The following KLHL18 variants were observed in gnomAD, a reference collection of about 807,000 sequenced individuals.
The protein encoded by KLHL18 is kelch like family member 18, also known as kelch-like protein 18.
Under a neutral mutation model 58.5 loss-of-function variants are expected in KLHL18, and 38 were observed. The ratio of observed to expected loss-of-function variants is 0.65; its 90% CI spans 0.50 to 0.85. The LOEUF (loss-of-function observed/expected upper bound fraction) is 0.85. Ranked by LOEUF, KLHL18 falls within the 40% of genes least tolerant of loss-of-function variation. The probability of loss-of-function intolerance (pLI) is 0.00; values close to 1 mark genes in which losing one functional copy is unlikely to be tolerated. For missense variants in KLHL18, 624 were observed against 778.4 expected, an observed-to-expected ratio of 0.80 and a Z score of 2.36; for synonymous variants, 303 against 301.9, an observed-to-expected ratio of 1.00 and a Z score of -0.04.
chr3:47,295,157 G>A lies in KLHL18; in HGVS notation c.129+12063G>A, dbSNP rs1702870949. Among the ~76,000 whole-genome samples the A allele has an allele frequency of 2.6e-5, 4 of 152,170 alleles. No individual in the cohort carries two copies. The South Asian group carries it at 8.3e-4, about 32-fold the overall frequency. ...TTTCTGTAGGATTTAGGAAAGGACT[G>A]CTGATTTAACTGAATCTCTGATTAT... On this transcript the variant is annotated intron_variant, in intron 1 of 9. Coordinates refer to ENST00000232766, the MANE Select transcript of KLHL18 (RefSeq NM_025010.5).
Position 47,333,220 on chromosome 3 carries a change from G to A in KLHL18, c.664G>A (p.Glu222Lys), listed in dbSNP as rs1703905846. ...GGAGCAGAGGGGTCCCTACCTGCCT[G>A]AGCTGCTGTCCAATATCCGCCTGCC... Reference protein sequence around the residue: ...DREQRGPYLPELLSNIRLPLC... With the variant: ...DREQRGPYLPKLLSNIRLPLC... The change falls in exon 5 of 10, where the codon GAG becomes AAG. Residue 222 changes from glutamate to lysine, a missense_variant. Transcript: ENST00000232766. The A allele has an allele frequency of 6.2e-7, 1 of 1,614,064 alleles. No individual in the cohort carries two copies. Among genetic ancestry groups the A allele is most frequent in the Admixed American group, 1.7e-5 (1 of 60,004 alleles).
At chr3:47,314,070 C>T (rs934165473) in intron 1 of KLHL18, among the ~76,000 whole-genome samples, 1 of 152,108 alleles carries the variant, frequency 6.6e-6, no homozygotes, top group Non-Finnish European at 1.5e-5. Context: ...CATTCTCTTG[C>T]TCTGTTGCCC....
intron 1 of KLHL18, among the ~76,000 whole-genome samples, chr3:47,297,030 G>A (rs1285154316): frequency 6.6e-6 from 1 of 152,218 alleles, no homozygotes; most frequent in African/African-American, 2.4e-5. Context: ...TTTAGAAGAA[G>A]TGGGAAGCAG....
At chr3:47,340,089 TATA>T (rs754991226) in intron 7 of KLHL18, among the ~76,000 whole-genome samples, 2 of 152,212 alleles carry the variant, frequency 1.3e-5, no homozygotes, top group Non-Finnish European at 2.9e-5. Context: ...CCTGGTAGCC[TATA>T]ATGTCAGAAC....
At chr3:47,284,702 T>C (rs1379057798) in intron 1 of KLHL18, among the ~76,000 whole-genome samples, 1 of 152,230 alleles carries the variant, frequency 6.6e-6, no homozygotes, top group African/African-American at 2.4e-5. Context: ...GTCAGACCTC[T>C]GGAGATGGTA....
At chr3:47,298,082 G>T (rs1388792257) in intron 1 of KLHL18, among the ~76,000 whole-genome samples, 1 of 151,970 alleles carries the variant, frequency 6.6e-6, no homozygotes, top group East Asian at 1.9e-4. Context: ...CATGGTGGGG[G>T]ATAAAACTGG....
chr3:47,328,746 A>G (rs1332687460), intron 3 of KLHL18, among the ~76,000 whole-genome samples: 1 of 152,106 alleles, frequency 6.6e-6, no homozygotes, highest in East Asian at 1.9e-4. Context: ...AAGATTCTGG[A>G]GAATGTGTAT....
At chr3:47,310,661 C>T (rs1703276519) in intron 1 of KLHL18, among the ~76,000 whole-genome samples, 1 of 152,202 alleles carries the variant, frequency 6.6e-6, no homozygotes, top group African/African-American at 2.4e-5. Context: ...TTACTCCTGA[C>T]TTTGTCCTTC....
At chr3:47,330,174 T>C (rs1703823404) in intron 4 of KLHL18, 25 bp downstream of exon 4, 1 of 1,604,250 alleles carries the variant, frequency 6.2e-7, no homozygotes, top group African/African-American at 1.3e-5. Flanking sequence ...TAGCAGTCTG[T>C]GCAGGTGACA....
Position 47,287,247 on chromosome 3 carries a change from C to T in KLHL18, c.129+4153C>T, listed in dbSNP as rs555448159. 3.9e-5 allele frequency: 6 copies of T among 152,206 alleles called. No individual in the cohort carries two copies. The East Asian group carries it at 7.7e-4, about 20-fold the overall frequency. The allele number at this position is 152,206 out of a possible 1,614,324, so 9.4% of individuals were successfully genotyped here. On this transcript the variant is annotated intron_variant, in intron 1 of 9. Coordinates refer to ENST00000232766, the MANE Select transcript of KLHL18 (RefSeq NM_025010.5). Reference sequence around the variant, plus strand: ...CTTTGCTGTTCCTTGATCATCAGTCCGAAAGGCGGTATCACACAGACTCTG... The same window carrying T: ...CTTTGCTGTTCCTTGATCATCAGTCTGAAAGGCGGTATCACACAGACTCTG...
At chr3:47,297,877 G>A (rs181769361) in intron 1 of KLHL18, among the ~76,000 whole-genome samples, 51 of 152,264 alleles carry the variant, frequency 3.3e-4, no homozygotes, top group Admixed American at 1.0e-3. Flanking sequence ...TGCTGTAGTG[G>A]ACGCTTGTAC....
chr3:47,332,242 C>A (rs1017177116), intron 4 of KLHL18, among the ~76,000 whole-genome samples: 7 of 151,932 alleles, frequency 4.6e-5, no homozygotes, highest in Non-Finnish European at 8.8e-5. Context: ...GCCTGTAATC[C>A]CAGCTACTTG....
chr3:47,300,269 T>C (rs1702987226), intron 1 of KLHL18, among the ~76,000 whole-genome samples: 1 of 139,426 alleles, frequency 7.2e-6, no homozygotes, highest in African/African-American at 2.5e-5. Flanking sequence ...CCAATTCTTT[T>C]GCATCCTCAC....
At chr3:47,288,831 T>G (rs1702731847) in intron 1 of KLHL18, among the ~76,000 whole-genome samples, 1 of 152,230 alleles carries the variant, frequency 6.6e-6, no homozygotes, top group African/African-American at 2.4e-5. Flanking sequence ...CTTGTTGGCA[T>G]AAGGCTTGGC....
chr3:47,301,855 GCATGAT>G (rs1289613221), intron 1 of KLHL18, among the ~76,000 whole-genome samples: 1 of 152,098 alleles, frequency 6.6e-6, no homozygotes, highest in African/African-American at 2.4e-5. Context: ...GAGTGCAGTG[GCATGAT>G]CATAGCTCAC....
chr3:47,340,751 T>A (rs1030190061), intron 8 of KLHL18, 75 bp downstream of exon 8: 4 of 1,539,622 alleles, frequency 2.6e-6, no homozygotes, highest in Non-Finnish European at 2.7e-6. Flanking sequence ...GTAGTTTTTT[T>A]AATTTAAGCT....
At chr3:47,313,622 GC>G (rs1481885966) in intron 1 of KLHL18, among the ~76,000 whole-genome samples, 3 of 152,108 alleles carry the variant, frequency 2.0e-5, no homozygotes, top group Non-Finnish European at 2.9e-5. Context: ...ATATTCAGTT[GC>G]AATCTTATTC....
Position 47,309,354 on chromosome 3 carries a change from G to A in KLHL18, c.130-10299G>A, listed in dbSNP as rs570344392. On this transcript the variant is annotated intron_variant, in intron 1 of 9. Transcript: ENST00000232766. ...TTCCCAGAAGGGGCAGCTGCCGGGC[G>A]GAGGGGCTCCTCACTTCTCAGACGG... Among the ~76,000 whole-genome samples, 7 of 150,118 alleles carry A rather than the reference G, an allele frequency of 4.7e-5. No homozygotes were observed. The East Asian group carries it at 5.9e-4, about 13-fold the overall frequency.
chr3:47,325,702 C>G (rs1703702134), intron 3 of KLHL18, among the ~76,000 whole-genome samples: 1 of 152,046 alleles, frequency 6.6e-6, no homozygotes, highest in African/African-American at 2.4e-5. Flanking sequence ...TTTCTGGTGG[C>G]CCTATTTCCG....
Sources: gnomAD v4.1 joint callset for allele counts (sites outside exome capture counted in the v4.1 genomes callset) on GRCh38, gnomAD v4.1.1 for gene constraint, MANE v1.5 for transcripts, NCBI Gene and HGNC (gene_info 2026-07-23, HGNC 2026-07-21) for gene names.